The following BMERB1 variants were observed in gnomAD, a reference collection of about 807,000 sequenced individuals.
BMERB1 encodes the protein bMERB domain-containing protein 1.
Under a neutral mutation model 23.6 loss-of-function variants are expected in BMERB1, and 12 were observed. The observed-to-expected ratio is 0.51, with a 90% CI of 0.33 to 0.82. The LOEUF (loss-of-function observed/expected upper bound fraction) is 0.82. BMERB1 is among the 40% of genes least tolerant of loss of function. The pLI, the probability that BMERB1 is intolerant of heterozygous loss-of-function variation, is 0.03. For missense variants in BMERB1, 247 were observed against 255.4 expected (o/e 0.97, Z 0.22); for synonymous variants, 122 against 96.6 (o/e 1.26, Z -1.54).
intron 1 of BMERB1, among the ~76,000 whole-genome samples, chr16:15,458,302 C>T (rs1469720444): frequency 1.3e-5 from 2 of 152,164 alleles, no homozygotes; most frequent in Non-Finnish European, 2.9e-5. Context: ...GGGCAGAAAC[C>T]GTGACCTGTT....
chr16:15,561,095 C>T (rs1207823730), intron 2 of BMERB1, among the ~76,000 whole-genome samples: 1 of 148,264 alleles, frequency 6.7e-6, no homozygotes, highest in African/African-American at 2.5e-5. Context: ...GCTGGGATTA[C>T]AGGCGCCCAC....
At chr16:15,489,666 A>G (rs1028904214) in intron 1 of BMERB1, among the ~76,000 whole-genome samples, 2 of 151,952 alleles carry the variant, frequency 1.3e-5, no homozygotes, top group South Asian at 2.1e-4. Flanking sequence ...CAAAATAGCT[A>G]TTTTCTGACG....
rs546363291 is a variant in BMERB1, at chr16:15,505,682, G to A, written c.107-9623G>A. On this transcript the variant is annotated intron_variant, in intron 1 of 5. Coordinates refer to ENST00000300006, the MANE Select transcript of BMERB1 (RefSeq NM_033201.3). ...AGGTGGGTGGGTCATGAGGTCAGGA[G>A]ATCGAGACCATCCTGGCTAACATGG... 2.0e-4 allele frequency among the ~76,000 whole-genome samples: 31 copies of A among 152,236 alleles called. No individual in the cohort carries two copies. The East Asian group carries it at 3.5e-3, about 17-fold the overall frequency.
chr16:15,480,023 A>ATATATAATATATATATAT (rs567929504), intron 1 of BMERB1, among the ~76,000 whole-genome samples: 15 of 147,864 alleles, frequency 1.0e-4, no homozygotes, highest in African/African-American at 3.7e-4. Flanking sequence ...ATATATATAT[A>ATATATAATATATATATAT]ATATATATTT....
intron 2 of BMERB1, among the ~76,000 whole-genome samples, chr16:15,551,535 A>G (rs1437472309): frequency 6.6e-6 from 1 of 152,210 alleles, no homozygotes; most frequent in East Asian, 1.9e-4. Context: ...GTGAAGCTGC[A>G]GAGCACTTAG....
chr16:15,511,164 A>T (rs1164656643), intron 1 of BMERB1, among the ~76,000 whole-genome samples: 2 of 151,944 alleles, frequency 1.3e-5, no homozygotes, highest in East Asian at 3.9e-4. Context: ...GCCCCAGGAG[A>T]TCTTTAGGCA....
At chr16:15,498,557 GAA>G (rs1184912247) in intron 1 of BMERB1, among the ~76,000 whole-genome samples, 1 of 148,274 alleles carries the variant, frequency 6.7e-6, no homozygotes, top group Non-Finnish European at 1.5e-5. Flanking sequence ...AAGGAAAAAA[GAA>G]AGGAAAGGGG....
chr16:15,483,688 C>CT (rs1403476172), intron 1 of BMERB1, among the ~76,000 whole-genome samples: 1 of 152,134 alleles, frequency 6.6e-6, no homozygotes, highest in African/African-American at 2.4e-5. Context: ...CCAGAAAAAT[C>CT]TATGTTTGAG....
chr16:15,456,344 T>A (rs2051087511), intron 1 of BMERB1, among the ~76,000 whole-genome samples: 1 of 151,970 alleles, frequency 6.6e-6, no homozygotes. Context: ...TTCCTTGTTT[T>A]TTTTTTTTTT....
At chr16:15,528,286 C>T (rs2051928904) in intron 2 of BMERB1, among the ~76,000 whole-genome samples, 1 of 152,028 alleles carries the variant, frequency 6.6e-6, no homozygotes, top group Non-Finnish European at 1.5e-5. Context: ...ACCGTCTTCT[C>T]ACAAGCAGAA....
At chr16:15,545,017 G>A (rs1329559293) in intron 2 of BMERB1, among the ~76,000 whole-genome samples, 1 of 151,900 alleles carries the variant, frequency 6.6e-6, no homozygotes. Flanking sequence ...CTATCACCCA[G>A]GCTGGAGTGC....
intron 1 of BMERB1, among the ~76,000 whole-genome samples, chr16:15,447,068 GTTAC>G (rs557587252): frequency 5.3e-5 from 8 of 152,144 alleles, no homozygotes; most frequent in Non-Finnish European, 1.2e-4. Flanking sequence ...TCTTGGGCTA[GTTAC>G]TTAACCTCTC....
At chr16:15,536,519 GC>G (rs1217418185) in intron 2 of BMERB1, 1 of 152,256 alleles carries the variant, frequency 6.6e-6, no homozygotes, top group Non-Finnish European at 1.5e-5. Context: ...CGCATCCCTT[GC>G]CCCAGAGCAC....
At chr16:15,562,576 AG>A (rs1373219962) in intron 2 of BMERB1, among the ~76,000 whole-genome samples, 2 of 152,018 alleles carry the variant, frequency 1.3e-5, no homozygotes, top group East Asian at 3.9e-4. Context: ...CTGTTGTGGG[AG>A]CTGTTCTGTG....
chr16:15,551,859 G>A (rs1188463109), intron 2 of BMERB1, among the ~76,000 whole-genome samples: 2 of 152,148 alleles, frequency 1.3e-5, no homozygotes, highest in Non-Finnish European at 2.9e-5. Flanking sequence ...AGTGTAGGAA[G>A]TGCCACATTT....
intron 1 of BMERB1, among the ~76,000 whole-genome samples, chr16:15,476,732 G>A (rs1212712076): frequency 6.6e-6 from 1 of 152,190 alleles, no homozygotes; most frequent in Non-Finnish European, 1.5e-5. Flanking sequence ...AGAGAGACGG[G>A]AGACCCATCA....
chr16:15,547,160 C>T (rs905674783), intron 2 of BMERB1, among the ~76,000 whole-genome samples: 12 of 151,424 alleles, frequency 7.9e-5, no homozygotes, highest in African/African-American at 1.5e-4. Flanking sequence ...TACAGGCATG[C>T]GCCACCATGC....
chr16:15,448,038 C>T (rs968256937), intron 1 of BMERB1: 9 of 396,636 alleles, frequency 2.3e-5, no homozygotes, highest in South Asian at 7.4e-5. Context: ...TACAGGTACC[C>T]GCCACCATGC....
chr16:15,523,135 C>T (rs78650316), intron 2 of BMERB1, among the ~76,000 whole-genome samples: 2,139 of 152,224 alleles, frequency 0.014, 41 homozygotes, highest in African/African-American at 0.044. Flanking sequence ...GGCACTCCTC[C>T]GACTGCCCAG....
Sources: allele counts gnomAD v4.1 joint callset (sites outside exome capture counted in the v4.1 genomes callset), GRCh38; gene constraint gnomAD v4.1.1; transcripts MANE v1.5; gene names NCBI Gene and HGNC (gene_info 2026-07-23, HGNC 2026-07-21).